The following CDH18 variants were observed in gnomAD, a reference collection of about 807,000 sequenced individuals.
CDH18 encodes the protein cadherin-18.
In CDH18, 31 loss-of-function variants were observed where a neutral mutation model predicts 67.9. The observed-to-expected ratio is 0.46, with a 90% CI of 0.34 to 0.62. The LOEUF (loss-of-function observed/expected upper bound fraction) is 0.62, where lower values mean the gene tolerates loss of function less well. CDH18 is among the 20% of genes least tolerant of loss of function. The probability of loss-of-function intolerance (pLI) is 0.01; values close to 1 mark genes in which losing one functional copy is unlikely to be tolerated. For synonymous variants in CDH18, 362 were observed against 347.2 expected (o/e 1.04, Z -0.48); for missense variants, 890 against 975.5 (o/e 0.91, Z 1.17).
intron 2 of CDH18, among the ~76,000 whole-genome samples, chr5:20,128,535 T>C (rs34841422): frequency 0.032 from 4,820 of 152,152 alleles, 284 homozygotes; most frequent in African/African-American, 0.11. Flanking sequence ...CTACCATATA[T>C]TGATGAATCA....
chr5:20,391,810 A>G (rs987084845), intron 1 of CDH18, among the ~76,000 whole-genome samples: 2 of 152,032 alleles, frequency 1.3e-5, no homozygotes, highest in Non-Finnish European at 2.9e-5. Context: ...TTTTCCATAA[A>G]TTAGCCATTT....
At chr5:20,055,387 T>C (rs953561553) in intron 2 of CDH18, among the ~76,000 whole-genome samples, 4 of 152,214 alleles carry the variant, frequency 2.6e-5, no homozygotes, top group African/African-American at 9.6e-5. Context: ...TTCAGTTGGA[T>C]AGTTTTTATT....
At chr5:20,119,879 T>C (rs1748211125) in intron 2 of CDH18, among the ~76,000 whole-genome samples, 2 of 151,982 alleles carry the variant, frequency 1.3e-5, no homozygotes, top group Non-Finnish European at 2.9e-5. Context: ...TAGTTATATA[T>C]TAAAATTATA....
intron 2 of CDH18, among the ~76,000 whole-genome samples, chr5:20,172,226 A>ATATATATATATG (rs1736860540): frequency 1.5e-4 from 16 of 105,828 alleles, no homozygotes; most frequent in African/African-American, 4.7e-4. Context: ...ATATATATGT[A>ATATATATATATG]TATATATATA....
At chr5:19,530,987 T>C (rs1748522392) in intron 9 of CDH18, among the ~76,000 whole-genome samples, 2 of 152,140 alleles carry the variant, frequency 1.3e-5, no homozygotes, top group Non-Finnish European at 2.9e-5. Context: ...TGGCACTCCC[T>C]AGTGAGATGA....
chr5:20,067,602 T>C (rs937545612), intron 2 of CDH18, among the ~76,000 whole-genome samples: 3 of 152,044 alleles, frequency 2.0e-5, no homozygotes, highest in Non-Finnish European at 2.9e-5. Context: ...TTGTTTCCAA[T>C]CTCAAACTAA....
intron 5 of CDH18, among the ~76,000 whole-genome samples, chr5:19,707,950 G>A (rs1420430488): frequency 1.3e-5 from 2 of 152,142 alleles, no homozygotes; most frequent in African/African-American, 4.8e-5. Context: ...ACGTTCAGCT[G>A]GTCTGAATAA....
At chr5:19,679,100 A>G (rs1759897602) in intron 5 of CDH18, among the ~76,000 whole-genome samples, 1 of 152,134 alleles carries the variant, frequency 6.6e-6, no homozygotes, top group South Asian at 2.1e-4. Context: ...CTAATCTGCC[A>G]CAATCAAGTA....
chr5:20,375,235 C>T (rs1306913694), intron 1 of CDH18, among the ~76,000 whole-genome samples: 1 of 152,144 alleles, frequency 6.6e-6, no homozygotes, highest in African/African-American at 2.4e-5. Context: ...ACTCATTTAA[C>T]CATTCTCTTT....
At chr5:19,570,800 C>A (rs536100071) in intron 8 of CDH18, among the ~76,000 whole-genome samples, 89 of 152,228 alleles carry the variant, frequency 5.8e-4, no homozygotes, top group Admixed American at 2.3e-3. Flanking sequence ...TATTATTTAG[C>A]GAGCACTTAT....
intron 3 of CDH18, among the ~76,000 whole-genome samples, chr5:19,774,686 G>A (rs1774115299): frequency 6.6e-6 from 1 of 150,398 alleles, no homozygotes; most frequent in Non-Finnish European, 1.5e-5. Flanking sequence ...GCCGTGTGGG[G>A]TGGTATGCAC....
chr5:20,184,446 A>G (rs1737935244), intron 2 of CDH18, among the ~76,000 whole-genome samples: 1 of 152,088 alleles, frequency 6.6e-6, no homozygotes, highest in Admixed American at 6.6e-5. Flanking sequence ...CAATCACAAA[A>G]AGAAAACGAT....
intron 9 of CDH18, among the ~76,000 whole-genome samples, chr5:19,542,357 C>T (rs901139347): frequency 8.5e-5 from 13 of 152,280 alleles, no homozygotes; most frequent in Non-Finnish European, 1.8e-4. Context: ...CATTGGAAAA[C>T]AATCTGCTAG....
At chr5:20,489,158 T>C (rs1753419973) in intron 1 of CDH18, among the ~76,000 whole-genome samples, 1 of 152,060 alleles carries the variant, frequency 6.6e-6, no homozygotes. Flanking sequence ...ATACCAGCTA[T>C]TTTTAAATTT....
intron 1 of CDH18, among the ~76,000 whole-genome samples, chr5:20,453,775 C>A (rs915883125): frequency 1.3e-5 from 2 of 151,968 alleles, no homozygotes; most frequent in African/African-American, 2.4e-5. Context: ...TATCCTTGAG[C>A]AAACCAGTAT....
At chr5:19,580,367 G>A (rs1387379868) in intron 7 of CDH18, among the ~76,000 whole-genome samples, 4 of 151,736 alleles carry the variant, frequency 2.6e-5, no homozygotes, top group African/African-American at 9.7e-5. Context: ...CAGTTGGTAT[G>A]GGCTGACATC....
At chr5:19,504,725 T>C (rs1389378215) in intron 10 of CDH18, among the ~76,000 whole-genome samples, 2 of 152,090 alleles carry the variant, frequency 1.3e-5, no homozygotes, top group Non-Finnish European at 2.9e-5. Context: ...ATAAAACAAA[T>C]GTTCTCTCAC....
intron 2 of CDH18, among the ~76,000 whole-genome samples, chr5:20,106,989 T>C (rs1746997727): frequency 6.6e-6 from 1 of 152,202 alleles, no homozygotes; most frequent in African/African-American, 2.4e-5. Flanking sequence ...TTAATTTATT[T>C]GAAAATGTCT....
At chr5:20,437,303 C>G (rs542791018) in intron 1 of CDH18, among the ~76,000 whole-genome samples, 1 of 151,174 alleles carries the variant, frequency 6.6e-6, no homozygotes, top group South Asian at 2.1e-4. Context: ...TTCTTAATTA[C>G]TATATGTAAC....
Sources: allele counts gnomAD v4.1 joint callset (sites outside exome capture counted in the v4.1 genomes callset), GRCh38; gene constraint gnomAD v4.1.1; transcripts MANE v1.5; gene names NCBI Gene and HGNC (gene_info 2026-07-23, HGNC 2026-07-21).